The following HLCS variants were observed in gnomAD, a reference collection of about 807,000 sequenced individuals.
The protein encoded by HLCS is holocarboxylase synthetase, also known as biotin--protein ligase.
A neutral mutation model predicts 75.0 loss-of-function variants in HLCS; 53 were observed. The ratio of observed to expected loss-of-function variants is 0.71; its 90% CI spans 0.57 to 0.89. The LOEUF (loss-of-function observed/expected upper bound fraction) is 0.89. Ranked by LOEUF, HLCS falls within the 40% of genes least tolerant of loss-of-function variation. The pLI is 0.00. For missense variants in HLCS, 966 were observed against 1,074.0 expected, an observed-to-expected ratio of 0.90 and a Z score of 1.41; for synonymous variants, 431 against 428.6, an observed-to-expected ratio of 1.01 and a Z score of -0.07.
intron 6 of HLCS, among the ~76,000 whole-genome samples, chr21:36,875,290 C>G (rs2063925749): frequency 1.3e-5 from 2 of 152,158 alleles, no homozygotes; most frequent in Admixed American, 1.3e-4. Context: ...GGTCCACGGC[C>G]TGGAGTGAGA....
At chr21:36,777,959 T>C (rs1465346861) in intron 6 of HLCS, among the ~76,000 whole-genome samples, 1 of 152,198 alleles carries the variant, frequency 6.6e-6, no homozygotes, top group African/African-American at 2.4e-5. Context: ...GAATCAATTA[T>C]TATTTTTATT....
intron 4 of HLCS, among the ~76,000 whole-genome samples, chr21:36,931,359 A>C (rs1431479896): frequency 1.3e-5 from 2 of 150,798 alleles, no homozygotes; most frequent in Non-Finnish European, 3.0e-5. Context: ...GAGTTCAGGG[A>C]GGCAAATGGG....
chr21:36,769,083 G>A (rs950000376), intron 6 of HLCS, among the ~76,000 whole-genome samples: 2 of 152,160 alleles, frequency 1.3e-5, no homozygotes, highest in African/African-American at 4.8e-5. Flanking sequence ...AGTGATGGGA[G>A]GGGCAGGAAA....
chr21:36,790,323 G>A (rs193142044), intron 6 of HLCS, among the ~76,000 whole-genome samples: 3 of 152,220 alleles, frequency 2.0e-5, no homozygotes, highest in Non-Finnish European at 4.4e-5. Context: ...AGAATTGCTT[G>A]AACCCAGGAG....
chr21:36,836,362 G>A (rs2062411049), intron 6 of HLCS, among the ~76,000 whole-genome samples: 1 of 151,954 alleles, frequency 6.6e-6, no homozygotes, highest in Admixed American at 6.6e-5. Context: ...TGCACAATGT[G>A]CAGGTTAGTT....
intron 6 of HLCS, among the ~76,000 whole-genome samples, chr21:36,876,832 T>G (rs2063997812): frequency 6.6e-6 from 1 of 152,240 alleles, no homozygotes; most frequent in Non-Finnish European, 1.5e-5. Context: ...TGTTCCATCA[T>G]GGGCTAAGAG....
chr21:36,754,118 A>C lies in HLCS; in HGVS notation c.*128T>G. 9.7e-7 allele frequency: 1 copy of C among 1,036,186 alleles called. No homozygotes were observed. 64.2% of individuals were successfully genotyped at this position (1,036,186 alleles called of 1,614,324 possible). A position where few individuals can be genotyped will look rare whatever the true frequency, so the allele number is the denominator to read the frequency against. On this transcript the variant is annotated 3_prime_UTR_variant, in exon 11 of 11. Coordinates refer to ENST00000674895, the MANE Select transcript of HLCS (RefSeq NM_001352514.2). ...CAACAAAACAAACCTAAAAACAAAC[A>C]GAAACACAGAAAAAGAACAAAGACT...
At chr21:36,820,425 C>A (rs2061801762) in intron 6 of HLCS, among the ~76,000 whole-genome samples, 2 of 152,244 alleles carry the variant, frequency 1.3e-5, no homozygotes, top group South Asian at 4.1e-4. Flanking sequence ...AAGCCCCCCT[C>A]CCCCACAGGC....
chr21:36,793,559 C>G (rs2060938221), intron 6 of HLCS, among the ~76,000 whole-genome samples: 1 of 152,106 alleles, frequency 6.6e-6, no homozygotes, highest in Non-Finnish European at 1.5e-5. Flanking sequence ...CTCGGCCTCC[C>G]AAAGTGCTGG....
At chr21:36,924,209 G>A (rs1240911587) in intron 5 of HLCS, among the ~76,000 whole-genome samples, 1 of 152,224 alleles carries the variant, frequency 6.6e-6, no homozygotes, top group Non-Finnish European at 1.5e-5. Context: ...CAAGTACTAT[G>A]TTAAAAAATG....
At position 36,820,375 on chromosome 21, in the gene HLCS, G is replaced by GC. The variant is rs2061798129; in HGVS notation, c.1893-53091dup. Among the ~76,000 whole-genome samples, 4 of 151,026 alleles carry GC rather than the reference G, an allele frequency of 2.6e-5. No individual in the cohort carries two copies. In the South Asian group the frequency reaches 8.5e-4, roughly 32 times the overall value. ...GCTGCTGCTGCCCAGCCACGGCCGG[G>GC]CCGCCGACTGGGATTCCTCGCGCTG... On this transcript the variant is annotated intron_variant, in intron 6 of 10. Coordinates refer to ENST00000674895, the MANE Select transcript of HLCS (RefSeq NM_001352514.2).
At chr21:36,955,385 G>C (rs1381246623) in intron 2 of HLCS, among the ~76,000 whole-genome samples, 5 of 152,106 alleles carry the variant, frequency 3.3e-5, no homozygotes, top group African/African-American at 9.7e-5. Flanking sequence ...TTGAAGCCAG[G>C]AGTTGGAGAT....
intron 6 of HLCS, among the ~76,000 whole-genome samples, chr21:36,833,415 C>T (rs538931233): frequency 6.6e-6 from 1 of 151,252 alleles, no homozygotes; most frequent in African/African-American, 2.4e-5. Context: ...TGAAGCCCTG[C>T]CACTAATAAA....
At chr21:36,779,389 T>C (rs866422630) in intron 6 of HLCS, among the ~76,000 whole-genome samples, 2 of 151,408 alleles carry the variant, frequency 1.3e-5, no homozygotes, top group African/African-American at 4.9e-5. Flanking sequence ...CTACCACCCA[T>C]CCATCCATCC....
chr21:36,869,194 G>C (rs1392680872), intron 6 of HLCS, among the ~76,000 whole-genome samples: 5 of 151,782 alleles, frequency 3.3e-5, no homozygotes, highest in Non-Finnish European at 7.4e-5. Flanking sequence ...GTGCGATCTC[G>C]GCTCACTGCA....
intron 5 of HLCS, among the ~76,000 whole-genome samples, chr21:36,912,002 C>T (rs1453187025): frequency 6.1e-5 from 9 of 147,564 alleles, no homozygotes; most frequent in Admixed American, 2.1e-4. Flanking sequence ...ACCCAGGAGG[C>T]GGAGGCTATA....
At position 36,976,435 on chromosome 21, in the gene HLCS, T is replaced by C. The variant is rs920320187; in HGVS notation, c.-393+13723A>G. ...GCATACACACACAGAAAAATACAAG[T>C]TAGCTGGGCGTGGTGGTGTGCACCT... On this transcript the variant is annotated intron_variant, in intron 1 of 11. Transcript: ENST00000336648. Among the ~76,000 whole-genome samples, 10 of 139,110 alleles carry C rather than the reference T, an allele frequency of 7.2e-5. No homozygotes were observed. In the South Asian group the frequency reaches 9.3e-4, roughly 13 times the overall value. The allele number at this position is 139,110 out of a possible 152,430, so 91.3% of individuals were successfully genotyped here.
At chr21:36,963,798 TA>T (rs2068432556) in intron 1 of HLCS, among the ~76,000 whole-genome samples, 1 of 152,222 alleles carries the variant, frequency 6.6e-6, no homozygotes, top group Admixed American at 6.5e-5. Context: ...ATGTGTACAT[TA>T]AACAGACAAA....
intron 7 of HLCS, among the ~76,000 whole-genome samples, chr21:36,766,185 G>A (rs56129442): frequency 0.11 from 16,083 of 151,968 alleles, 1,502 homozygotes; most frequent in African/African-American, 0.25. Context: ...CACCATGCCC[G>A]GCTGATTTTT....
Sources: gnomAD v4.1 joint callset for allele counts (sites outside exome capture counted in the v4.1 genomes callset) on GRCh38, gnomAD v4.1.1 for gene constraint, MANE v1.5 for transcripts, NCBI Gene and HGNC (gene_info 2026-07-23, HGNC 2026-07-21) for gene names.